DOCK2: variants seen among roughly 807,000 people sequenced by gnomAD.
DOCK2 encodes dedicator of cytokinesis 2, also known as dedicator of cytokinesis protein 2.
In DOCK2, 87 loss-of-function variants were observed where a neutral mutation model predicts 248.9. That is an observed-to-expected ratio of 0.35 (90% CI 0.29 to 0.42). The LOEUF (loss-of-function observed/expected upper bound fraction) is 0.42, where lower values mean the gene tolerates loss of function less well. Among genes scored for constraint, DOCK2 ranks in the 10% least tolerant of loss-of-function variants. The pLI, the probability that DOCK2 is intolerant of heterozygous loss-of-function variation, is 1.00. For synonymous variants in DOCK2, 805 were observed against 821.6 expected (o/e 0.98, Z 0.35); for missense variants, 1,747 against 2,300.2 (o/e 0.76, Z 4.92).
chr5:169,660,004 G>A (rs568027571), intron 2 of DOCK2, among the ~76,000 whole-genome samples: 4 of 152,322 alleles, frequency 2.6e-5, no homozygotes, highest in Admixed American at 2.0e-4. Flanking sequence ...GAAGGAGGGA[G>A]TTTGGGGTGC....
At chr5:169,721,702 C>T (rs1006038610) in intron 22 of DOCK2, among the ~76,000 whole-genome samples, 9 of 152,186 alleles carry the variant, frequency 5.9e-5, no homozygotes, top group African/African-American at 1.9e-4. Context: ...ATTTTTTGCA[C>T]ATCCTGCCCA....
At chr5:170,030,841 GC>G (rs1756108579) in intron 34 of DOCK2, among the ~76,000 whole-genome samples, 1 of 152,120 alleles carries the variant, frequency 6.6e-6, no homozygotes, top group African/African-American at 2.4e-5. Flanking sequence ...GATACACAGG[GC>G]CCCCACTGGG....
chr5:169,734,118 C>A (rs1040941815), intron 22 of DOCK2, among the ~76,000 whole-genome samples: 2 of 151,736 alleles, frequency 1.3e-5, no homozygotes, highest in Non-Finnish European at 2.9e-5. Context: ...TTCTTTAAAC[C>A]CATTTTCCAG....
chr5:170,073,078 C>CT (rs1757732220), intron 46 of DOCK2, among the ~76,000 whole-genome samples: 1 of 152,208 alleles, frequency 6.6e-6, no homozygotes, highest in African/African-American at 2.4e-5. Context: ...GAAACCGCAA[C>CT]TACCCCAAGA....
At chr5:170,032,919 T>A (rs527672171) in intron 34 of DOCK2, among the ~76,000 whole-genome samples, 1 of 152,066 alleles carries the variant, frequency 6.6e-6, no homozygotes, top group Non-Finnish European at 1.5e-5. Context: ...GCCTGCATAA[T>A]GTCTACTTGA....
rs557781670 is a variant in DOCK2 at position 169,775,130 on chromosome 5, G to A, written c.2554+13505G>A. On this transcript the variant is annotated intron_variant, in intron 25 of 51. Transcript: ENST00000520908. ...TCACCCTGTTGACCAAGCTGGTCTC[G>A]AACTTCTGACCTCAGGTGATCTGCC... 5.3e-5 allele frequency among the ~76,000 whole-genome samples: 8 copies of A among 152,228 alleles called. No homozygotes were observed. The East Asian group carries it at 9.6e-4, about 18-fold the overall frequency.
At chr5:170,047,755 C>CT (rs1212319779) in intron 40 of DOCK2, 141 bp downstream of exon 40, 1 of 661,754 alleles carries the variant, frequency 1.5e-6, no homozygotes, top group African/African-American at 1.8e-5. Flanking sequence ...CCCCAGGAGA[C>CT]TCCCCAGTCA....
chr5:169,648,088 G>A (rs1009684382), intron 1 of DOCK2, among the ~76,000 whole-genome samples: 2 of 152,152 alleles, frequency 1.3e-5, no homozygotes, highest in African/African-American at 4.8e-5. Flanking sequence ...GAATGTGTGT[G>A]TGAATGTGCC....
intron 27 of DOCK2, among the ~76,000 whole-genome samples, chr5:169,925,604 AAG>A (rs2113664990): frequency 6.6e-6 from 1 of 150,838 alleles, no homozygotes; most frequent in Admixed American, 6.6e-5. Context: ...AAAAAAAAAA[AAG>A]CATTGTCCTG....
At chr5:169,870,022 C>T (rs560387539) in intron 27 of DOCK2, among the ~76,000 whole-genome samples, 5 of 152,264 alleles carry the variant, frequency 3.3e-5, no homozygotes, top group East Asian at 3.9e-4. Flanking sequence ...ATTCCGGACA[C>T]GAGCCCTTGA....
At chr5:170,049,526 G>A (rs564279590) in intron 40 of DOCK2, among the ~76,000 whole-genome samples, 1 of 152,188 alleles carries the variant, frequency 6.6e-6, no homozygotes, top group East Asian at 1.9e-4. Context: ...GAAATTAGGG[G>A]CCATTTTAGG....
chr5:169,977,356 G>A (rs574682899), intron 27 of DOCK2, among the ~76,000 whole-genome samples: 5 of 152,284 alleles, frequency 3.3e-5, no homozygotes, highest in Admixed American at 1.3e-4. Flanking sequence ...CCTCTGTCCA[G>A]GTCAGGAATT....
intron 46 of DOCK2, among the ~76,000 whole-genome samples, chr5:170,071,101 G>C (rs1757666231): frequency 6.6e-6 from 1 of 152,062 alleles, no homozygotes; most frequent in Non-Finnish European, 1.5e-5. Flanking sequence ...CCCACCCAGC[G>C]CCCAGGCACC....
chr5:169,968,573 T>C (rs1581484234), intron 27 of DOCK2, among the ~76,000 whole-genome samples: 1 of 152,174 alleles, frequency 6.6e-6, no homozygotes, highest in East Asian at 1.9e-4. Flanking sequence ...CCCTATGGAG[T>C]TCGTGCAGAT....
chr5:169,727,733 A>C lies in DOCK2; in HGVS notation c.2267+8942A>C, dbSNP rs553132967. 2.0e-5 allele frequency among the ~76,000 whole-genome samples: 3 copies of C among 152,352 alleles called. No individual in the cohort carries two copies. In the South Asian group the frequency reaches 6.2e-4, roughly 32 times the overall value. Reference sequence around the variant, plus strand: ...ACACTTAATTTAGACTAGCAGATGGATATCATTTATAAATAAATAAGCATC... The same window carrying C: ...ACACTTAATTTAGACTAGCAGATGGCTATCATTTATAAATAAATAAGCATC... On this transcript the variant is annotated intron_variant, in intron 22 of 51. Transcript: ENST00000520908.
chr5:169,895,451 T>A (rs1773539814), intron 27 of DOCK2, among the ~76,000 whole-genome samples: 1 of 152,050 alleles, frequency 6.6e-6, no homozygotes, highest in Non-Finnish European at 1.5e-5. Context: ...GGGGGTGGTC[T>A]CACTCCTAAC....
intron 44 of DOCK2, among the ~76,000 whole-genome samples, chr5:170,060,136 C>T (rs528284839): frequency 5.3e-5 from 8 of 152,268 alleles, no homozygotes; most frequent in South Asian, 2.1e-4. Flanking sequence ...AGTATAAGTT[C>T]TGCCTATTGG....
At chr5:170,018,935 T>C (rs1384184383) in intron 32 of DOCK2, 25 bp from the exon 33 acceptor site, 1 of 1,611,678 alleles carries the variant, frequency 6.2e-7, no homozygotes, top group African/African-American at 1.3e-5. Flanking sequence ...CTGTTTTATG[T>C]GTTCATGTTC....
intron 27 of DOCK2, among the ~76,000 whole-genome samples, chr5:169,969,480 T>C (rs948476630): frequency 1.3e-5 from 2 of 152,132 alleles, no homozygotes; most frequent in Non-Finnish European, 2.9e-5. Flanking sequence ...TGAATTGGAC[T>C]TCATTTGTGT....
Sources: allele counts gnomAD v4.1 joint callset (sites outside exome capture counted in the v4.1 genomes callset), GRCh38; gene constraint gnomAD v4.1.1; transcripts MANE v1.5; gene names NCBI Gene and HGNC (gene_info 2026-07-23, HGNC 2026-07-21).